The following RANBP2 variants were observed in gnomAD, a reference collection of about 807,000 sequenced individuals.
The protein encoded by RANBP2 is E3 SUMO-protein ligase RanBP2.
In RANBP2, 57 loss-of-function variants were observed where a neutral mutation model predicts 303.6. The observed-to-expected ratio is 0.19, with a 90% CI of 0.15 to 0.23. The LOEUF is 0.23. RANBP2 is among the 10% of genes least tolerant of loss of function. The pLI is 1.00. For synonymous variants in RANBP2, 1,167 were observed against 1,301.5 expected (o/e 0.90, Z 2.23); for missense variants, 3,138 against 3,780.8 (o/e 0.83, Z 4.46).
the RANBP2 span, among the ~76,000 whole-genome samples, chr2:109,350,319 G>C: frequency 6.6e-6 from 1 of 152,214 alleles, no homozygotes; most frequent in African/African-American, 2.4e-5. Flanking sequence ...AGCATCTCCT[G>C]TTACAGGATC....
At chr2:108,831,737 C>CTTCCTTCCTTCCTTCCTTCT in the RANBP2 span, among the ~76,000 whole-genome samples, 1 of 151,798 alleles carries the variant, frequency 6.6e-6, no homozygotes, top group South Asian at 2.1e-4. Flanking sequence ...TCCTTCCTTC[C>CTTCCTTCCTTCCTTCCTTCT]GTCCTTCCTG....
At chr2:109,737,021 C>T in the RANBP2 span, 1 of 338,718 alleles carries the variant, frequency 3.0e-6, no homozygotes. Context: ...AGCCCTTTGA[C>T]TATGATTTCC....
chr2:109,572,384 C>T, the RANBP2 span, among the ~76,000 whole-genome samples: 2 of 152,104 alleles, frequency 1.3e-5, no homozygotes, highest in African/African-American at 4.8e-5. Context: ...TTGCCCGCCT[C>T]GGCCTCCCAA....
chr2:109,196,847 C>T, the RANBP2 span, among the ~76,000 whole-genome samples: 1 of 152,208 alleles, frequency 6.6e-6, no homozygotes, highest in Non-Finnish European at 1.5e-5. Context: ...GGAGATCCTG[C>T]CAAGAGACAG....
the RANBP2 span, among the ~76,000 whole-genome samples, chr2:109,235,684 C>T: frequency 6.6e-6 from 1 of 152,158 alleles, no homozygotes; most frequent in African/African-American, 2.4e-5. Flanking sequence ...TACGTGTCTA[C>T]CAACATAAAG....
chr2:109,736,319 A>G, the RANBP2 span, among the ~76,000 whole-genome samples: 1 of 152,034 alleles, frequency 6.6e-6, no homozygotes, highest in Non-Finnish European at 1.5e-5. Flanking sequence ...TGAGGCAGCT[A>G]TTTCCCAGGC....
chr2:108,816,873 T>A, the RANBP2 span, among the ~76,000 whole-genome samples: 284 of 152,222 alleles, frequency 1.9e-3, 3 homozygotes, highest in African/African-American at 6.6e-3. Context: ...TTAAAAAAAA[T>A]TTTTGTAGAG....
At chr2:108,910,029 G>A in the RANBP2 span, among the ~76,000 whole-genome samples, 1 of 152,218 alleles carries the variant, frequency 6.6e-6, no homozygotes, top group Non-Finnish European at 1.5e-5. Context: ...GTGGGCAGTA[G>A]GCACCAAATG....
the RANBP2 span, among the ~76,000 whole-genome samples, chr2:108,851,327 G>A: frequency 6.6e-6 from 1 of 152,034 alleles, no homozygotes; most frequent in Non-Finnish European, 1.5e-5. Context: ...TTGAGATGGA[G>A]TTTTGCTCTT....
the RANBP2 span, among the ~76,000 whole-genome samples, chr2:109,183,878 T>A: frequency 6.6e-6 from 1 of 152,208 alleles, no homozygotes; most frequent in South Asian, 2.1e-4. Flanking sequence ...TAGGGCATTG[T>A]CCCAAGGAAA....
At chr2:109,081,356 G>C in the RANBP2 span, among the ~76,000 whole-genome samples, 1 of 152,062 alleles carries the variant, frequency 6.6e-6, no homozygotes, top group Non-Finnish European at 1.5e-5. Flanking sequence ...CTCCAGATGG[G>C]GGCAGCCCCC....
At chr2:109,364,340 T>A in the RANBP2 span, among the ~76,000 whole-genome samples, 1 of 152,154 alleles carries the variant, frequency 6.6e-6, no homozygotes, top group South Asian at 2.1e-4. Context: ...TTCTGGCTCT[T>A]TATCTTTGCT....
At chr2:108,960,095 C>A in the RANBP2 span, among the ~76,000 whole-genome samples, 1 of 152,194 alleles carries the variant, frequency 6.6e-6, no homozygotes, top group Non-Finnish European at 1.5e-5. Flanking sequence ...CCACCCTGCA[C>A]ACCCTGTGGC....
At chr2:109,651,548 G>A in the RANBP2 span, among the ~76,000 whole-genome samples, 1 of 152,182 alleles carries the variant, frequency 6.6e-6, no homozygotes, top group African/African-American at 2.4e-5. Flanking sequence ...CCTCTCAAGG[G>A]TGGCCCTGAA....
chr2:109,605,437 T>C, the RANBP2 span: 1 of 152,188 alleles, frequency 6.6e-6, no homozygotes, highest in South Asian at 2.1e-4. Context: ...ACCACTGCAC[T>C]CTACTCTGAG....
At chr2:108,797,436 C>A in the RANBP2 span, among the ~76,000 whole-genome samples, 9 of 151,982 alleles carry the variant, frequency 5.9e-5, no homozygotes, top group African/African-American at 2.2e-4. Flanking sequence ...TAAGTCATTT[C>A]AATAGAGGAA....
the RANBP2 span, among the ~76,000 whole-genome samples, chr2:109,521,217 C>CAAAA: frequency 1.1e-3 from 130 of 115,344 alleles, 1 homozygote; most frequent in Admixed American, 3.5e-3. Context: ...GACTCCGTCT[C>CAAAA]AAAAAAAAAA....
At chr2:109,590,041 CATATATATGTGTGTGTATATATAT>C in the RANBP2 span, among the ~76,000 whole-genome samples, 1 of 148,734 alleles carries the variant, frequency 6.7e-6, no homozygotes, top group East Asian at 2.0e-4. Context: ...TATATACACA[CATATATATGTGTGTGTATATATAT>C]ACACACACAT....
chr2:108,874,388 T>A, the RANBP2 span, among the ~76,000 whole-genome samples: 1 of 152,360 alleles, frequency 6.6e-6, no homozygotes, highest in Admixed American at 6.5e-5. Context: ...AACCAGTTAC[T>A]AAACTATAAA....
Sources: allele counts gnomAD v4.1 joint callset (sites outside exome capture counted in the v4.1 genomes callset), GRCh38; gene constraint gnomAD v4.1.1; transcripts MANE v1.5; gene names NCBI Gene and HGNC (gene_info 2026-07-23, HGNC 2026-07-21).